The following INO80 variants were observed in gnomAD, a reference collection of about 807,000 sequenced individuals.
INO80 encodes chromatin-remodeling ATPase INO80.
In INO80, 20 loss-of-function variants were observed where a neutral mutation model predicts 203.4. The ratio of observed to expected loss-of-function variants is 0.10; its 90% CI spans 0.07 to 0.14. The LOEUF (loss-of-function observed/expected upper bound fraction) is 0.14. Ranked by LOEUF, INO80 falls within the 10% of genes least tolerant of loss-of-function variation. The pLI is 1.00. For missense variants in INO80, 1,419 were observed against 1,914.4 expected (o/e 0.74, Z 4.83); for synonymous variants, 726 against 685.2 (o/e 1.06, Z -0.93).
At chr15:41,097,167 T>G (rs1381081572) in intron 1 of INO80, among the ~76,000 whole-genome samples, 1 of 152,188 alleles carries the variant, frequency 6.6e-6, no homozygotes, top group Non-Finnish European at 1.5e-5. Context: ...TGCCTCAGCC[T>G]CCTGAGTAGC....
At chr15:41,066,026 C>T (rs1346298001) in intron 14 of INO80, among the ~76,000 whole-genome samples, 2 of 135,716 alleles carry the variant, frequency 1.5e-5, no homozygotes, top group Non-Finnish European at 3.1e-5. Context: ...GAGTTGTGCT[C>T]TTGTTGCCCA....
chr15:41,020,207 C>T (rs564547137), intron 26 of INO80, among the ~76,000 whole-genome samples: 58 of 151,832 alleles, frequency 3.8e-4, no homozygotes, highest in African/African-American at 1.4e-3. Context: ...GGCAACAGAG[C>T]GGGACTCCAT....
intron 35 of INO80, among the ~76,000 whole-genome samples, chr15:40,981,870 C>G (rs1048046196): frequency 6.6e-6 from 1 of 152,216 alleles, no homozygotes; most frequent in Non-Finnish European, 1.5e-5. Context: ...TCCATGGAAC[C>G]TAAGCTGCTC....
intron 8 of INO80, among the ~76,000 whole-genome samples, chr15:41,080,364 C>A (rs1322230857): frequency 1.3e-5 from 2 of 152,116 alleles, no homozygotes; most frequent in Non-Finnish European, 2.9e-5. Flanking sequence ...CAACTAATAA[C>A]ATGGCCTAAT....
At chr15:41,070,934 C>T (rs1312159194) in intron 12 of INO80, among the ~76,000 whole-genome samples, 1 of 152,194 alleles carries the variant, frequency 6.6e-6, no homozygotes, top group Non-Finnish European at 1.5e-5. Flanking sequence ...TTTGGGAGGC[C>T]GAGGCAGGCA....
chr15:41,038,714 T>C (rs2044620240), intron 24 of INO80, among the ~76,000 whole-genome samples: 1 of 152,210 alleles, frequency 6.6e-6, no homozygotes, highest in Non-Finnish European at 1.5e-5. Context: ...ATCGGGTCTT[T>C]AGTACCTGAC....
At chr15:41,033,268 CTCT>C (rs1224142355) in intron 24 of INO80, among the ~76,000 whole-genome samples, 5 of 151,838 alleles carry the variant, frequency 3.3e-5, no homozygotes, top group African/African-American at 1.2e-4. Flanking sequence ...ACGACAGGCT[CTCT>C]TTTTTGTCTT....
intron 35 of INO80, among the ~76,000 whole-genome samples, chr15:40,980,737 A>T (rs146362303): frequency 2.0e-5 from 3 of 152,244 alleles, no homozygotes; most frequent in Middle Eastern, 3.2e-3. Context: ...ACATTTTACA[A>T]TCTGAGACAC....
At chr15:41,095,035 CAAA>C (rs35436731) in intron 4 of INO80, among the ~76,000 whole-genome samples, 18 of 144,230 alleles carry the variant, frequency 1.2e-4, no homozygotes, top group African/African-American at 2.6e-4. Flanking sequence ...TGCAAATATT[CAAA>C]AAAAAAAAAA....
intron 28 of INO80, among the ~76,000 whole-genome samples, chr15:41,003,508 T>G (rs866095910): frequency 8.0e-4 from 121 of 151,964 alleles, no homozygotes; most frequent in African/African-American, 2.7e-3. Context: ...TTTTGTATTT[T>G]TAGTAGAGAC....
At chr15:41,052,550 G>A (rs1195239794) in intron 19 of INO80, among the ~76,000 whole-genome samples, 1 of 151,540 alleles carries the variant, frequency 6.6e-6, no homozygotes, top group Non-Finnish European at 1.5e-5. Context: ...GTGTACACCT[G>A]TAGACCCAGC....
At chr15:41,061,049 G>A (rs572947524) in intron 14 of INO80, among the ~76,000 whole-genome samples, 1 of 152,322 alleles carries the variant, frequency 6.6e-6, no homozygotes, top group East Asian at 1.9e-4. Context: ...GCTCATGCCT[G>A]TAATCCCAGC....
chr15:41,063,708 T>C (rs143007551), intron 14 of INO80, among the ~76,000 whole-genome samples: 2,710 of 151,944 alleles, frequency 0.018, 48 homozygotes, highest in South Asian at 0.043. Flanking sequence ...GAGACGGAGG[T>C]TGCAGTGAGC....
intron 1 of INO80, among the ~76,000 whole-genome samples, chr15:41,111,332 G>A (rs1277632878): frequency 6.6e-6 from 1 of 152,166 alleles, no homozygotes; most frequent in Non-Finnish European, 1.5e-5. Context: ...TGTAGTCCCG[G>A]TTACTCAGGA....
chr15:41,113,518 T>C (rs1223242186), intron 1 of INO80, among the ~76,000 whole-genome samples: 4 of 152,196 alleles, frequency 2.6e-5, no homozygotes, highest in African/African-American at 9.7e-5. Flanking sequence ...TCCACCTGCC[T>C]CAGTCTCCCA....
At chr15:41,102,207 A>G (rs1273839226) in intron 1 of INO80, among the ~76,000 whole-genome samples, 1 of 151,908 alleles carries the variant, frequency 6.6e-6, no homozygotes, top group Non-Finnish European at 1.5e-5. Flanking sequence ...AGAAGATACG[A>G]CTATGTCTTA....
chr15:41,102,744 A>G (rs1441180674), intron 1 of INO80, among the ~76,000 whole-genome samples: 1 of 152,206 alleles, frequency 6.6e-6, no homozygotes, highest in Non-Finnish European at 1.5e-5. Context: ...GTTGAGAACC[A>G]TGCTCTCTGA....
At chr15:41,105,458 C>T (rs2045867731) in intron 1 of INO80, among the ~76,000 whole-genome samples, 1 of 152,084 alleles carries the variant, frequency 6.6e-6, no homozygotes, top group Non-Finnish European at 1.5e-5. Flanking sequence ...CTATTACAAC[C>T]ACCATTTTAC....
intron 9 of INO80, among the ~76,000 whole-genome samples, chr15:41,078,824 CA>C (rs1425479884): frequency 1.3e-5 from 2 of 152,108 alleles, no homozygotes; most frequent in Non-Finnish European, 2.9e-5. Flanking sequence ...TCAGGTTTAC[CA>C]ACAGTACTGG....
Sources: allele counts gnomAD v4.1 joint callset (sites outside exome capture counted in the v4.1 genomes callset), GRCh38; gene constraint gnomAD v4.1.1; transcripts MANE v1.5; gene names NCBI Gene and HGNC (gene_info 2026-07-23, HGNC 2026-07-21).